Variants in MYO9B observed in about 807,000 individuals in gnomAD.
MYO9B encodes the protein myosin IXB, also known as unconventional myosin-IXb.
MYO9B carries 71 observed loss-of-function variants against 229.5 expected under a neutral mutation model. The ratio of observed to expected loss-of-function variants is 0.31; its 90% confidence interval spans 0.26 to 0.38. MYO9B has a LOEUF of 0.38. Ranked by LOEUF, MYO9B falls within the 10% of genes least tolerant of loss-of-function variation. The pLI, the probability that MYO9B is intolerant of heterozygous loss-of-function variation, is 1.00. For synonymous variants in MYO9B, 1,185 were observed against 1,235.8 expected, an observed-to-expected ratio of 0.96 and a Z score of 0.86; for missense variants, 2,255 against 2,920.5, an observed-to-expected ratio of 0.77 and a Z score of 5.25.
At chr19:17,121,461 A>G (rs921798338) in intron 2 of MYO9B, among the ~76,000 whole-genome samples, 1 of 151,344 alleles carries the variant, frequency 6.6e-6, no homozygotes. Context: ...ATATATATAT[A>G]TATCCAAGAG....
At chr19:17,196,164 GGA>G in intron 22 of MYO9B, among the ~76,000 whole-genome samples, 2 of 143,314 alleles carry the variant, frequency 1.4e-5, no homozygotes, top group African/African-American at 2.6e-5. Context: ...GTGGGTGGGT[GGA>G]TGGATGGAAG....
rs918957004 is a variant in MYO9B, at chr19:17,206,027, C to T, written c.5132C>T (p.Ser1711Leu). The T allele has an allele frequency of 9.9e-6, 16 of 1,608,232 alleles. No homozygotes were observed. Among genetic ancestry groups the T allele is most frequent in the Admixed American group, 3.3e-5 (2 of 59,840 alleles). ...CVDSLTSDKA[S>L]VPIVLEKLLE... ...GACAGCCTGACCAGCGACAAGGCCT[C>T]GGTGCCCATCGTGCTGGAGAAGCTC... Residue 1711 changes from serine (S) to leucine (L), a missense_variant, in exon 32 of 40, where the codon TCG (serine) becomes TTG (leucine). This residue lies in a region of MYO9B where 416 missense variants were observed against 605.5 expected (regional missense o/e 0.69). Coordinates refer to ENST00000682292, the MANE Select transcript of MYO9B (RefSeq NM_004145.4).
At chr19:17,189,719 C>T (rs903090813) in intron 19 of MYO9B, among the ~76,000 whole-genome samples, 8 of 152,006 alleles carry the variant, frequency 5.3e-5, no homozygotes, top group Non-Finnish European at 1.2e-4. Flanking sequence ...CCAGCCACCT[C>T]GACCATCTAA....
chr19:17,113,056 G>T (rs1288682297), intron 2 of MYO9B, among the ~76,000 whole-genome samples: 1 of 152,240 alleles, frequency 6.6e-6, no homozygotes, highest in African/African-American at 2.4e-5. Flanking sequence ...GCCAGCATTT[G>T]TTTGAGGAAG....
In MYO9B at chr19:17,203,335, C is replaced by T. The variant is rs192243001; in HGVS notation, c.4990+77C>T. The T allele has an allele frequency of 1.5e-3, 1,705 of 1,164,624 alleles. 24 individuals carry two copies. The highest frequency in any genetic ancestry group is 9.6e-5 in the Non-Finnish European group (78 of 816,358). The allele number at this position is 1,164,624 out of a possible 1,614,324, so 72.1% of individuals were successfully genotyped here. On this transcript the variant is annotated intron_variant, in intron 30 of 39. Transcript: ENST00000682292. ...CTCACTGCTCAAGAGGTCTTCAGGG[C>T]CAGGCGGGGTGGCTCACACCTGTAA...
intron 4 of MYO9B, among the ~76,000 whole-genome samples, chr19:17,153,748 G>A (rs1293273431): frequency 6.6e-6 from 1 of 151,624 alleles, no homozygotes; most frequent in African/African-American, 2.4e-5. Context: ...AAATAAGTGA[G>A]ATGTACACCC....
In MYO9B at chr19:17,172,693, G is replaced by C; in HGVS notation, c.1936-66G>C. 1 of 1,577,040 alleles carries C rather than the reference G, an allele frequency of 6.3e-7. No individual in the cohort carries two copies. The highest frequency in any genetic ancestry group is 8.7e-7 in the Non-Finnish European group (1 of 1,149,040). On this transcript the variant is annotated intron_variant, in intron 12 of 39. Coordinates refer to ENST00000682292, the MANE Select transcript of MYO9B (RefSeq NM_004145.4). This position sits in a 1 kb window ranked among gnomAD's most constrained non-coding sequence, Gnocchi z 8.2. The stretch of plus-strand genomic sequence containing the variant: ...CCGTCAGCCCTTCCTGCGCCAGCCC[G>C]GGGTCTTTGGTAGGCGCCGGTGAGT...
In MYO9B at chr19:17,206,928, G is replaced by A. The variant is rs2073168894; in HGVS notation, c.5492+144G>A. 6 of 1,215,016 alleles carry A rather than the reference G, an allele frequency of 4.9e-6. 1 individual carries two copies. The highest frequency in any genetic ancestry group is 2.6e-5 in the South Asian group (2 of 76,834). The allele number at this position is 1,215,016 out of a possible 1,614,324, so 75.3% of individuals were successfully genotyped here. ...CCACTGTTGGGGGTTCTGGGAGGGGGCCAGGCTGCTGGGCCGCCCGGGTCC... is the reference window on the plus strand; with the variant it reads ...CCACTGTTGGGGGTTCTGGGAGGGGACCAGGCTGCTGGGCCGCCCGGGTCC... On this transcript the variant is annotated intron_variant, in intron 34 of 39. Coordinates refer to ENST00000682292, the MANE Select transcript of MYO9B (RefSeq NM_004145.4).
At chr19:17,103,185 T>C (rs1250040126) in intron 2 of MYO9B, 1 of 152,232 alleles carries the variant, frequency 6.6e-6, no homozygotes, top group Admixed American at 6.5e-5. Context: ...CACTCCAGCC[T>C]GGGCAACAGA....
intron 8 of MYO9B, among the ~76,000 whole-genome samples, chr19:17,159,875 C>T (rs1181971648): frequency 5.9e-5 from 9 of 152,218 alleles, no homozygotes; most frequent in African/African-American, 2.2e-4. Context: ...AGAGCAGTTG[C>T]AACAGAGAAC....
intron 1 of MYO9B, among the ~76,000 whole-genome samples, chr19:17,089,691 T>A (rs565757776): frequency 6.6e-6 from 1 of 152,314 alleles, no homozygotes. Context: ...GAGATTGGCA[T>A]TTTTTCAGAG....
At chr19:17,132,525 ATTTTTT>A (rs35184435) in intron 2 of MYO9B, among the ~76,000 whole-genome samples, 20,245 of 116,020 alleles carry the variant, frequency 0.17, 1,876 homozygotes, top group East Asian at 0.29. Flanking sequence ...TATTATTATT[ATTTTTT>A]TTTTTTTTTT....
rs372149564 is a variant in MYO9B, at chr19:17,199,270, C to T, written c.4238+962C>T. On this transcript the variant is annotated intron_variant, in intron 24 of 39. Coordinates refer to ENST00000682292, the MANE Select transcript of MYO9B (RefSeq NM_004145.4). ...GCATGGCTTGTACCTATAATCCCAA[C>T]AACTCAGGAGGCTGAGGTGAGAGGA... Among the ~76,000 whole-genome samples, 26 of 152,154 alleles carry T rather than the reference C, an allele frequency of 1.7e-4. 1 individual carries two copies. The highest frequency in any genetic ancestry group is 5.8e-4 in the African/African-American group (24 of 41,508).
At chr19:17,197,361 G>A (rs1448146846) in intron 22 of MYO9B, among the ~76,000 whole-genome samples, 1 of 151,780 alleles carries the variant, frequency 6.6e-6, no homozygotes, top group African/African-American at 2.4e-5. Flanking sequence ...GGAAGATAGA[G>A]ACAATGAGTC....
intron 19 of MYO9B, among the ~76,000 whole-genome samples, chr19:17,188,821 T>C (rs572922565): frequency 2.9e-4 from 44 of 152,162 alleles, no homozygotes; most frequent in African/African-American, 1.1e-3. Flanking sequence ...GAGACCAGCC[T>C]GGACAACATA....
rs1325396788 is a variant in MYO9B at position 17,144,821 on chromosome 19, T to A, written c.841-576T>A. On this transcript the variant is annotated intron_variant, in intron 2 of 39. Coordinates refer to ENST00000682292, the MANE Select transcript of MYO9B (RefSeq NM_004145.4). ...CCGTCTGTACTAAAAATACAAAAAATTGGCCAGGCGTGGCAGCGTGCGCCT... is the reference window on the plus strand; with the variant it reads ...CCGTCTGTACTAAAAATACAAAAAAATGGCCAGGCGTGGCAGCGTGCGCCT... Among the ~76,000 whole-genome samples, 12 of 150,528 alleles carry A rather than the reference T, an allele frequency of 8.0e-5. 1 individual carries two copies. The highest frequency in any genetic ancestry group is 1.6e-4 in the Non-Finnish European group (11 of 67,684).
rs535823444 is a variant in MYO9B at position 17,164,066 on chromosome 19, C to T, written c.1671+944C>T. On this transcript the variant is annotated intron_variant, in intron 10 of 39. Transcript: ENST00000682292. Reference sequence around the variant, plus strand: ...TTTGAAGAACCACCATACTGTTTTCCATAACAGCTGCAGCATTTTATAAGG... The same window carrying T: ...TTTGAAGAACCACCATACTGTTTTCTATAACAGCTGCAGCATTTTATAAGG... 1.7e-3 allele frequency among the ~76,000 whole-genome samples: 258 copies of T among 152,262 alleles called. 1 individual carries two copies. Among genetic ancestry groups the T allele is most frequent in the African/African-American group, 6.0e-3 (249 of 41,560 alleles).
chr19:17,162,037 G>A (rs1056106554), intron 8 of MYO9B, among the ~76,000 whole-genome samples: 19 of 151,682 alleles, frequency 1.3e-4, no homozygotes, highest in African/African-American at 1.7e-4. Flanking sequence ...CAGACACAGT[G>A]GCTTATGCCT....
Position 17,206,265 on chromosome 19 carries a change from C to G in MYO9B, c.5275C>G (p.Leu1759Val). The G allele has an allele frequency of 1.3e-6, 2 of 1,562,654 alleles. No individual in the cohort carries two copies. The highest frequency in any genetic ancestry group is 1.7e-6 in the Non-Finnish European group (2 of 1,159,896). ...CCCCACAGACCCCGCAGCAGTCAAG[C>G]TGGAGAACTTCCCCATCCACGCCAT... ...ALQTDPAAVK[L>V]ENFPIHAITG... The change falls in exon 33 of 40, where the codon CTG becomes GTG. Residue 1759 changes from leucine (L) to valine (V), a missense_variant. By Grantham distance (32) the Leu-to-Val change is conservative. Around this residue, in one of 7 missense-constraint regions of MYO9B, gnomAD observed 416 missense variants for 605.5 expected, o/e 0.69. Transcript: ENST00000682292.
Sources: allele counts gnomAD v4.1 joint callset (sites outside exome capture counted in the v4.1 genomes callset), GRCh38; gene constraint gnomAD v4.1.1; regional missense constraint gnomAD v4.1.1; non-coding constraint Gnocchi (gnomAD v3.1); transcripts MANE v1.5; gene names NCBI Gene and HGNC (gene_info 2026-07-23, HGNC 2026-07-21).